The following ACTR3C variants were observed in gnomAD, a reference collection of about 807,000 sequenced individuals.
ACTR3C encodes the protein actin related protein 3C.
A neutral mutation model predicts 26.3 loss-of-function variants in ACTR3C; 18 were observed. The observed-to-expected ratio is 0.68, with a 90% CI of 0.47 to 1.01. The LOEUF is 1.01. Ranked by LOEUF, ACTR3C falls within the 50% of genes least tolerant of loss-of-function variation. The probability of loss-of-function intolerance (pLI) is 0.00; values close to 1 mark genes in which losing one functional copy is unlikely to be tolerated. For missense variants in ACTR3C, 184 were observed against 250.7 expected (o/e 0.73, Z 1.80); for synonymous variants, 55 against 94.5 (o/e 0.58, Z 2.42).
the ACTR3C span, among the ~76,000 whole-genome samples, chr7:150,206,936 G>T: frequency 6.6e-6 from 1 of 152,022 alleles, no homozygotes; most frequent in Admixed American, 6.6e-5. Flanking sequence ...TCAGGCTTTT[G>T]ACCATTGTAA....
chr7:149,954,662 G>A, the ACTR3C span, among the ~76,000 whole-genome samples: 8 of 151,984 alleles, frequency 5.3e-5, no homozygotes, highest in African/African-American at 7.3e-5. Flanking sequence ...TTATATTCTC[G>A]CATTTAAATT....
chr7:150,285,915 T>A (rs1835735909), intron 5 of ACTR3C, among the ~76,000 whole-genome samples: 2 of 152,166 alleles, frequency 1.3e-5, no homozygotes, highest in African/African-American at 4.8e-5. Flanking sequence ...TTTACCTAAC[T>A]TGCAGCAGGG....
At chr7:150,083,044 C>A in the ACTR3C span, among the ~76,000 whole-genome samples, 1 of 146,038 alleles carries the variant, frequency 6.8e-6, no homozygotes, top group African/African-American at 2.5e-5. Context: ...ATTCTGGGCT[C>A]AAGCAATCTT....
the ACTR3C span, among the ~76,000 whole-genome samples, chr7:150,167,846 G>A: frequency 7.1e-4 from 107 of 150,646 alleles, 1 homozygote; most frequent in East Asian, 0.02. Flanking sequence ...GCGATTAGGA[G>A]CCACTCAGCT....
At chr7:150,034,841 G>T in the ACTR3C span, among the ~76,000 whole-genome samples, 4 of 148,986 alleles carry the variant, frequency 2.7e-5, no homozygotes, top group African/African-American at 5.0e-5. Flanking sequence ...TCTGCGATGG[G>T]TGTCCTAAGA....
chr7:150,216,169 T>C, the ACTR3C span, among the ~76,000 whole-genome samples: 2 of 151,940 alleles, frequency 1.3e-5, no homozygotes, highest in South Asian at 4.2e-4. Context: ...CAACATCAGA[T>C]AGAGCGAAGA....
At chr7:150,206,384 G>A in the ACTR3C span, among the ~76,000 whole-genome samples, 2 of 152,158 alleles carry the variant, frequency 1.3e-5, no homozygotes, top group Admixed American at 1.3e-4. Flanking sequence ...AAATAGGAGA[G>A]AAGAGACTGT....
At chr7:150,017,808 C>T in the ACTR3C span, among the ~76,000 whole-genome samples, 4 of 150,222 alleles carry the variant, frequency 2.7e-5, no homozygotes, top group South Asian at 2.1e-4. Flanking sequence ...CAGTGAAAAC[C>T]GCAGGCTCCA....
At chr7:150,018,626 T>G in the ACTR3C span, among the ~76,000 whole-genome samples, 1 of 150,230 alleles carries the variant, frequency 6.7e-6, no homozygotes, top group Non-Finnish European at 1.5e-5. Flanking sequence ...CTAGATATTT[T>G]AACAACAAAA....
At chr7:149,945,958 C>T in the ACTR3C span, among the ~76,000 whole-genome samples, 14 of 152,208 alleles carry the variant, frequency 9.2e-5, no homozygotes, top group African/African-American at 2.9e-4. Context: ...GGGAGACAGG[C>T]GACCTTGCCA....
At chr7:150,199,000 C>T in the ACTR3C span, among the ~76,000 whole-genome samples, 11 of 142,084 alleles carry the variant, frequency 7.7e-5, no homozygotes, top group East Asian at 2.1e-4. Flanking sequence ...AGCCCCCCTG[C>T]CCGGCCAGCC....
chr7:149,928,826 C>A, the ACTR3C span, among the ~76,000 whole-genome samples: 4 of 151,198 alleles, frequency 2.6e-5, no homozygotes, highest in African/African-American at 9.7e-5. Context: ...CTGGGCAACA[C>A]AGCAAGACTC....
chr7:150,225,277 C>T, the ACTR3C span, among the ~76,000 whole-genome samples: 34,889 of 151,970 alleles, frequency 0.23, 6,462 homozygotes, highest in African/African-American at 0.51. Context: ...TGTATTTGTA[C>T]ATACTAATCC....
At chr7:150,035,230 G>T in the ACTR3C span, among the ~76,000 whole-genome samples, 26 of 113,560 alleles carry the variant, frequency 2.3e-4, no homozygotes, top group South Asian at 5.6e-4. Context: ...CTGCCATGGG[G>T]GTCCTAAGAG....
chr7:150,158,917 G>T, the ACTR3C span, among the ~76,000 whole-genome samples: 1 of 144,016 alleles, frequency 6.9e-6, no homozygotes, highest in African/African-American at 2.7e-5. Flanking sequence ...GCACACACAC[G>T]TGCACACACA....
chr7:149,892,230 T>G, the ACTR3C span: 1 of 1,421,300 alleles, frequency 7.0e-7, no homozygotes, highest in Non-Finnish European at 9.6e-7. Context: ...TTACTCATCC[T>G]ACTGCTCTAC....
At chr7:150,301,841 T>A (rs560604028) in intron 1 of ACTR3C, among the ~76,000 whole-genome samples, 27 of 151,744 alleles carry the variant, frequency 1.8e-4, no homozygotes, top group African/African-American at 6.6e-4. Context: ...AGACAGAAAG[T>A]AAAATGGGCA....
chr7:149,894,536 C>T, the ACTR3C span, among the ~76,000 whole-genome samples: 1 of 151,542 alleles, frequency 6.6e-6, no homozygotes, highest in Non-Finnish European at 1.5e-5. Context: ...ACTCAAACAG[C>T]AATAAAAAAA....
chr7:150,095,674 T>G, the ACTR3C span, among the ~76,000 whole-genome samples: 3 of 149,328 alleles, frequency 2.0e-5, no homozygotes, highest in African/African-American at 5.1e-5. Context: ...AAACCAGGAA[T>G]GCACAGAAAA....
Sources: gnomAD v4.1 joint callset for allele counts (sites outside exome capture counted in the v4.1 genomes callset) on GRCh38, gnomAD v4.1.1 for gene constraint, MANE v1.5 for transcripts, NCBI Gene and HGNC (gene_info 2026-07-23, HGNC 2026-07-21) for gene names.